Variants in GRB2 observed in about 807,000 individuals in gnomAD.
The protein encoded by GRB2 is growth factor receptor-bound protein 2.
Under a neutral mutation model 27.4 loss-of-function variants are expected in GRB2, and 2 were observed. That is an observed-to-expected ratio of 0.07 (90% CI 0.03 to 0.23). The LOEUF (loss-of-function observed/expected upper bound fraction) is 0.23. Ranked by LOEUF, GRB2 falls within the 10% of genes least tolerant of loss-of-function variation. GRB2 has a pLI of 1.00. For synonymous variants in GRB2, 94 were observed against 99.6 expected (o/e 0.94, Z 0.33); for missense variants, 102 against 282.4 (o/e 0.36, Z 4.58).
intron 2 of GRB2, among the ~76,000 whole-genome samples, chr17:75,334,707 A>C (rs748866412): frequency 6.6e-5 from 10 of 152,192 alleles, no homozygotes; most frequent in Non-Finnish European, 1.3e-4. Flanking sequence ...TGGAAGGCTA[A>C]GGTGGGAAGA....
At chr17:75,404,286 A>C (rs1269396345) in intron 1 of GRB2, among the ~76,000 whole-genome samples, 1 of 152,158 alleles carries the variant, frequency 6.6e-6, no homozygotes, top group African/African-American at 2.4e-5. Context: ...GGATGAATTC[A>C]ATCTTTTGAG....
chr17:75,391,037 C>T (rs140147295), intron 2 of GRB2, among the ~76,000 whole-genome samples: 142 of 152,206 alleles, frequency 9.3e-4, no homozygotes, highest in Middle Eastern at 3.4e-3. Context: ...AGGAAAACTC[C>T]GTTTTTTTAA....
At chr17:75,354,513 C>T (rs185587999) in intron 2 of GRB2, among the ~76,000 whole-genome samples, 31 of 152,222 alleles carry the variant, frequency 2.0e-4, no homozygotes, top group African/African-American at 6.5e-4. Context: ...AAACTGCTCA[C>T]GCGAGGGATC....
At chr17:75,405,250 G>C (rs999618766) in intron 1 of GRB2, 1 of 152,288 alleles carries the variant, frequency 6.6e-6, no homozygotes, top group African/African-American at 2.4e-5. Context: ...AGAGAACCCC[G>C]ACCTCTTCCC....
At chr17:75,375,077 GT>G (rs376687494) in intron 2 of GRB2, among the ~76,000 whole-genome samples, 13 of 147,604 alleles carry the variant, frequency 8.8e-5, no homozygotes, top group South Asian at 2.2e-4. Context: ...AACATTTTTG[GT>G]TTTTTTTTTG....
chr17:75,320,013 G>A lies in GRB2; in HGVS notation c.*355C>T, dbSNP rs1025637501. 4 of 180,392 alleles carry A rather than the reference G, an allele frequency of 2.2e-5. No individual in the cohort carries two copies. The highest frequency in any genetic ancestry group is 4.8e-5 in the Non-Finnish European group (4 of 83,914). The allele number at this position is 180,392 out of a possible 1,614,324, so 11.2% of individuals were successfully genotyped here. A position where few individuals can be genotyped will look rare whatever the true frequency, so the allele number is the denominator to read the frequency against. ...GCATAGAGAGAATACCAGCCCACTTGGTTTCTTGTTTTTTATTATTGGCGT... is the reference window on the plus strand; with the variant it reads ...GCATAGAGAGAATACCAGCCCACTTAGTTTCTTGTTTTTTATTATTGGCGT... On this transcript the variant is annotated 3_prime_UTR_variant, in exon 6 of 6. Transcript: ENST00000316804. This position sits in a 1 kb window ranked among gnomAD's most constrained non-coding sequence, Gnocchi z 4.3.
intron 2 of GRB2, among the ~76,000 whole-genome samples, chr17:75,349,445 T>C (rs1025249918): frequency 2.0e-5 from 3 of 151,360 alleles, no homozygotes; most frequent in African/African-American, 7.3e-5. Context: ...AGGACACATG[T>C]AGGCTTGCCC....
intron 3 of GRB2, among the ~76,000 whole-genome samples, chr17:75,331,346 T>C (rs1328897921): frequency 2.6e-5 from 4 of 152,192 alleles, no homozygotes; most frequent in Non-Finnish European, 5.9e-5. Flanking sequence ...AAGTTCTTCA[T>C]AGTGGGGACA....
At chr17:75,378,325 G>A (rs549042096) in intron 2 of GRB2, among the ~76,000 whole-genome samples, 1 of 152,276 alleles carries the variant, frequency 6.6e-6, no homozygotes, top group Non-Finnish European at 1.5e-5. Context: ...GGAGGTTGTA[G>A]TGAGCTGAGA....
At chr17:75,335,667 G>A (rs1389324020) in intron 2 of GRB2, among the ~76,000 whole-genome samples, 1 of 152,114 alleles carries the variant, frequency 6.6e-6, no homozygotes, top group Non-Finnish European at 1.5e-5. Context: ...AGGATAAGGT[G>A]ATAAATCCTG....
intron 2 of GRB2, among the ~76,000 whole-genome samples, chr17:75,386,229 A>C (rs1329855548): frequency 6.6e-6 from 1 of 151,706 alleles, no homozygotes; most frequent in East Asian, 1.9e-4. Context: ...AGCGATTCTC[A>C]TGCCTCAGCC....
chr17:75,403,155 A>ATAT (rs386386636), intron 1 of GRB2, among the ~76,000 whole-genome samples: 18 of 145,544 alleles, frequency 1.2e-4, no homozygotes, highest in Non-Finnish European at 2.4e-4. Flanking sequence ...GACCAAAAAA[A>ATAT]ATATATATAT....
intron 1 of GRB2, among the ~76,000 whole-genome samples, chr17:75,402,061 A>G (rs2079067496): frequency 1.3e-5 from 2 of 152,210 alleles, no homozygotes; most frequent in South Asian, 4.1e-4. Flanking sequence ...ACCAAACACC[A>G]CAGCTTAGCC....
At chr17:75,332,607 A>G (rs2078548659) in intron 3 of GRB2, 93 bp downstream of exon 3, 1 of 723,456 alleles carries the variant, frequency 1.4e-6, no homozygotes, top group African/African-American at 1.8e-5. Context: ...AATAAAAAGT[A>G]TGACATCCAT....
chr17:75,332,988 G>T (rs1264971431), intron 2 of GRB2, among the ~76,000 whole-genome samples, 191 bp from the exon 3 acceptor site: 1 of 152,066 alleles, frequency 6.6e-6, no homozygotes, highest in Non-Finnish European at 1.5e-5. Context: ...AAATGAAACA[G>T]AAATTATCTC....
chr17:75,334,188 T>C (rs900727206), intron 2 of GRB2, among the ~76,000 whole-genome samples: 2 of 152,144 alleles, frequency 1.3e-5, no homozygotes, highest in Non-Finnish European at 2.9e-5. Flanking sequence ...TATTTTTTTT[T>C]GAGACAGAGT....
chr17:75,324,633 T>G (rs146415609), intron 4 of GRB2, among the ~76,000 whole-genome samples: 127 of 149,778 alleles, frequency 8.5e-4, no homozygotes, highest in African/African-American at 3.0e-3. Flanking sequence ...TTCTCTGGCC[T>G]CAGCCTCCCA....
intron 2 of GRB2, among the ~76,000 whole-genome samples, chr17:75,354,277 G>GGT (rs1208795584): frequency 9.1e-6 from 1 of 110,192 alleles, no homozygotes; most frequent in African/African-American, 3.4e-5. Flanking sequence ...GGGGGGGGGG[G>GGT]AGATGGAGTT....
intron 4 of GRB2, 34 bp from the exon 5 acceptor site, chr17:75,321,861 A>C: frequency 6.2e-7 from 1 of 1,608,024 alleles, no homozygotes; most frequent in Non-Finnish European, 8.5e-7. Flanking sequence ...TGACCGGCTA[A>C]AGGCTCTAAC....
Sources: gnomAD v4.1 joint callset for allele counts (sites outside exome capture counted in the v4.1 genomes callset) on GRCh38, gnomAD v4.1.1 for gene constraint, Gnocchi (gnomAD v3.1) non-coding constraint, MANE v1.5 for transcripts, NCBI Gene and HGNC (gene_info 2026-07-23, HGNC 2026-07-21) for gene names.